The following CDH4 variants were observed in gnomAD, a reference collection of about 807,000 sequenced individuals.
CDH4 encodes the protein cadherin-4.
A neutral mutation model predicts 86.0 loss-of-function variants in CDH4; 33 were observed. The observed-to-expected ratio is 0.38, with a 90% CI of 0.29 to 0.51. CDH4 has a LOEUF of 0.51. Among genes scored for constraint, CDH4 ranks in the 20% least tolerant of loss-of-function variants. CDH4 has a pLI of 0.86. For synonymous variants in CDH4, 555 were observed against 549.4 expected (o/e 1.01, Z -0.14); for missense variants, 1,114 against 1,307.4 (o/e 0.85, Z 2.28).
chr20:61,545,449 G>A (rs1014416940), intron 2 of CDH4, among the ~76,000 whole-genome samples: 20 of 152,222 alleles, frequency 1.3e-4, no homozygotes, highest in African/African-American at 3.6e-4. Context: ...CGCTGACCCC[G>A]GCGCTCCCCA....
intron 2 of CDH4, chr20:61,717,942 G>C (rs980875202): frequency 6.6e-6 from 1 of 152,264 alleles, no homozygotes; most frequent in South Asian, 2.1e-4. Context: ...AGGCCGAGGA[G>C]CCCACCGCCT....
At chr20:61,329,441 TCCCCCG>T (rs2084558198) in intron 2 of CDH4, among the ~76,000 whole-genome samples, 1 of 32,724 alleles carries the variant, frequency 3.1e-5, no homozygotes, top group African/African-American at 9.1e-5. Flanking sequence ...GTCCTCATGG[TCCCCCG>T]TGGGTCTGGG....
intron 2 of CDH4, among the ~76,000 whole-genome samples, chr20:61,558,568 C>T (rs1397644759): frequency 1.3e-5 from 2 of 152,224 alleles, no homozygotes; most frequent in African/African-American, 2.4e-5. Context: ...TACTGCCTCA[C>T]GCAGTGCAGG....
At chr20:61,893,427 G>C (rs1434733575) in intron 7 of CDH4, among the ~76,000 whole-genome samples, 1 of 66,242 alleles carries the variant, frequency 1.5e-5, no homozygotes, top group East Asian at 4.8e-4. Flanking sequence ...TGAGTGGATA[G>C]ATAAATGGAT....
rs566414888 is a variant in CDH4 at position 61,772,902 on chromosome 20, C to T, written c.397-101C>T. On this transcript the variant is annotated intron_variant, in intron 3 of 15. Coordinates refer to ENST00000614565, the MANE Select transcript of CDH4 (RefSeq NM_001794.5). ...TGTCCCAGCGTTACCCGCCTTCCCT[C>T]TCAGTCTCGGGCAGTACAGATCATC... 4 of 997,014 alleles carry T rather than the reference C, an allele frequency of 4.0e-6. No individual in the cohort carries two copies. The South Asian group carries it at 7.1e-5, about 18-fold the overall frequency. The allele number at this position is 997,014 out of a possible 1,614,324, so 61.8% of individuals were successfully genotyped here.
At position 61,493,178 on chromosome 20, in the gene CDH4, C is replaced by T. The variant is rs151324172; in HGVS notation, c.169+238241C>T. On this transcript the variant is annotated intron_variant, in intron 2 of 15. Transcript: ENST00000614565. ...TATCTCTTGACTGTTTTCCAGGAGA[C>T]GCAGAATACAGGCCTGTGTCAGTGC... 2.9e-3 allele frequency among the ~76,000 whole-genome samples: 443 copies of T among 152,322 alleles called. 4 individuals carry two copies. The highest frequency in any genetic ancestry group is 9.3e-3 in the African/African-American group (386 of 41,566).
chr20:61,927,663 TGTG>T lies in CDH4; in HGVS notation c.1772-522_1772-520del, dbSNP rs550927108. Among the ~76,000 whole-genome samples, 221 of 152,192 alleles carry T rather than the reference TGTG, an allele frequency of 1.5e-3. 2 individuals are homozygous for T. Among genetic ancestry groups the T allele is most frequent in the African/African-American group, 4.2e-3 (174 of 41,534 alleles). On this transcript the variant is annotated intron_variant, in intron 11 of 15. Transcript: ENST00000614565. ...TAAGAAGTCCCAGATGGGGGCAAGA[TGTG>T]GTGGGCGGATCCCAGCCCTCAGGGG...
At chr20:61,443,697 C>T (rs915349132) in intron 2 of CDH4, among the ~76,000 whole-genome samples, 1 of 152,090 alleles carries the variant, frequency 6.6e-6, no homozygotes, top group Non-Finnish European at 1.5e-5. Context: ...TGAGCGCATC[C>T]GAAGGCTGCG....
At chr20:61,579,844 G>A (rs180873942) in intron 2 of CDH4, among the ~76,000 whole-genome samples, 61 of 152,070 alleles carry the variant, frequency 4.0e-4, no homozygotes, top group Admixed American at 1.9e-3. Flanking sequence ...GAATGCAAAC[G>A]TCCCTCTATA....
intron 2 of CDH4, among the ~76,000 whole-genome samples, chr20:61,372,005 C>A: frequency 6.6e-6 from 1 of 152,238 alleles, no homozygotes; most frequent in East Asian, 1.9e-4. Flanking sequence ...TTTGTAAACA[C>A]GTGCACATTC....
At chr20:61,715,588 T>C (rs1055193611) in intron 2 of CDH4, among the ~76,000 whole-genome samples, 5 of 152,168 alleles carry the variant, frequency 3.3e-5, no homozygotes, top group Non-Finnish European at 7.3e-5. Context: ...TTCATGTGGG[T>C]AGAAGGATTA....
chr20:61,546,654 G>A (rs2086089383), intron 2 of CDH4, among the ~76,000 whole-genome samples: 1 of 151,994 alleles, frequency 6.6e-6, no homozygotes, highest in African/African-American at 2.4e-5. Flanking sequence ...CAGGGCTTGT[G>A]TGTGGTTTAC....
intron 2 of CDH4, among the ~76,000 whole-genome samples, chr20:61,512,724 G>C (rs1299192763): frequency 6.6e-6 from 1 of 152,230 alleles, no homozygotes; most frequent in Admixed American, 6.5e-5. Flanking sequence ...ACCTACAGCA[G>C]GTGGCCCTTG....
chr20:61,565,204 C>CGGTGCTCTCGGTGATGGTGGTGGTGGTG (rs1568688382), intron 2 of CDH4, among the ~76,000 whole-genome samples: 3 of 50,284 alleles, frequency 6.0e-5, no homozygotes, highest in Non-Finnish European at 1.1e-4. Flanking sequence ...TGGTGGTGGT[C>CGGTGCTCTCGGTGATGGTGGTGGTGGTG]GCGGTGCTCT....
intron 2 of CDH4, among the ~76,000 whole-genome samples, chr20:61,682,283 C>G (rs2145859756): frequency 6.8e-6 from 1 of 148,100 alleles, no homozygotes; most frequent in African/African-American, 2.5e-5. Context: ...GATGGATGGA[C>G]AGGTGGATGA....
At chr20:61,770,822 G>A (rs2088765735) in intron 3 of CDH4, among the ~76,000 whole-genome samples, 4 of 150,216 alleles carry the variant, frequency 2.7e-5, no homozygotes, top group Admixed American at 2.7e-4. Flanking sequence ...GGCGGTGCTT[G>A]CAGTGAGCCG....
chr20:61,851,736 C>T (rs971650644), intron 5 of CDH4, among the ~76,000 whole-genome samples: 20 of 152,210 alleles, frequency 1.3e-4, no homozygotes, highest in Non-Finnish European at 1.3e-4. Context: ...AGCGCCCAGC[C>T]TCTCTGTGTC....
At chr20:61,809,961 T>C (rs1286077334) in intron 4 of CDH4, among the ~76,000 whole-genome samples, 7 of 152,158 alleles carry the variant, frequency 4.6e-5, no homozygotes, top group Admixed American at 3.9e-4. Context: ...GGGAGGAAGA[T>C]GGTCTGGCTG....
intron 2 of CDH4, among the ~76,000 whole-genome samples, chr20:61,698,260 C>A (rs879444819): frequency 6.6e-5 from 10 of 152,266 alleles, no homozygotes; most frequent in Non-Finnish European, 1.3e-4. Flanking sequence ...ACCATTCCAG[C>A]CCATGCCGGC....
Sources: allele counts gnomAD v4.1 joint callset (sites outside exome capture counted in the v4.1 genomes callset), GRCh38; gene constraint gnomAD v4.1.1; transcripts MANE v1.5; gene names NCBI Gene and HGNC (gene_info 2026-07-23, HGNC 2026-07-21).